ZNF254: variants seen among roughly 807,000 people sequenced by gnomAD.
The protein encoded by ZNF254 is zinc finger protein 254, also known as CTD-2017D11.1.
Under a neutral mutation model 12.4 loss-of-function variants are expected in ZNF254, and 10 were observed. The observed-to-expected ratio is 0.80, with a 90% CI of 0.50 to 1.36. ZNF254 has a LOEUF of 1.36. Ranked by LOEUF, ZNF254 falls within the 40% of genes most tolerant of loss-of-function variation. The pLI is 0.00. For synonymous variants in ZNF254, 305 were observed against 253.4 expected (o/e 1.20, Z -1.93); for missense variants, 996 against 763.9 (o/e 1.30, Z -3.58).
chr19:24,123,950 G>A (rs1044333766), intron 3 of ZNF254, among the ~76,000 whole-genome samples: 2 of 151,892 alleles, frequency 1.3e-5, no homozygotes, highest in South Asian at 2.1e-4. Context: ...TTGAAAATAT[G>A]TCTCAATTTA....
intron 2 of ZNF254, chr19:24,063,821 AT>A (rs1359424103): frequency 1.1e-4 from 16 of 149,400 alleles, no homozygotes; most frequent in Admixed American, 1.4e-4. Flanking sequence ...CTTAGAAGGC[AT>A]TGAGACATGG....
At chr19:24,117,410 C>A (rs922743382) in intron 3 of ZNF254, among the ~76,000 whole-genome samples, 1 of 152,152 alleles carries the variant, frequency 6.6e-6, no homozygotes, top group African/African-American at 2.4e-5. Flanking sequence ...GGGTGCCCCT[C>A]CCCCAGCCTC....
chr19:24,058,932 C>T (rs1354828393), intron 2 of ZNF254, among the ~76,000 whole-genome samples: 1 of 152,234 alleles, frequency 6.6e-6, no homozygotes, highest in Non-Finnish European at 1.5e-5. Flanking sequence ...GGTGATGTGA[C>T]TGCCTTTTAC....
At position 24,127,039 on chromosome 19, in the gene ZNF254, G is replaced by C. The variant is rs945184418; in HGVS notation, c.1039G>C (p.Glu347Gln). Residue 347 changes from glutamate (E) to glutamine (Q), a missense_variant, in exon 4 of 4, where the codon GAG becomes CAG. By Grantham distance (29) the Glu-to-Gln change is conservative. Coordinates refer to ENST00000357002, the MANE Select transcript of ZNF254 (RefSeq NM_203282.4). ...LTRHKRMHTG[E>Q]KPYKCEECGK... ...TAGACATAAGAGGATGCACACTGGA[G>C]AGAAACCCTACAAATGTGAAGAATG... The C allele has an allele frequency of 6.2e-7, 1 of 1,613,610 alleles. No homozygotes were observed. The highest frequency in any genetic ancestry group is 1.3e-5 in the African/African-American group (1 of 74,844).
intron 2 of ZNF254, among the ~76,000 whole-genome samples, chr19:24,051,607 TCTC>T (rs1251660586): frequency 1.9e-5 from 2 of 108,050 alleles, no homozygotes; most frequent in African/African-American, 6.1e-5. Flanking sequence ...ATGAGGTGAC[TCTC>T]CTCTCCAGCC....
chr19:24,127,482 A>G lies in ZNF254; in HGVS notation c.1482A>G (p.Glu494=). ...HTGEKPYKCE[E]CGKSFSQSST... is the part of the protein sequence containing the mutation. ...GAGAGAAACCCTACAAATGTGAAGA[A>G]TGTGGCAAATCTTTTAGCCAATCCT... Residue 494 remains glutamate, a synonymous_variant, in exon 4 of 4, where the codon GAA becomes GAG. Coordinates refer to ENST00000357002, the MANE Select transcript of ZNF254 (RefSeq NM_203282.4). 6.2e-7 allele frequency: 1 copy of G among 1,613,634 alleles called. No individual in the cohort carries two copies. Among genetic ancestry groups the G allele is most frequent in the Non-Finnish European group, 8.5e-7 (1 of 1,179,822 alleles).
intron 3 of ZNF254, among the ~76,000 whole-genome samples, chr19:24,115,789 C>T (rs1974020125): frequency 6.6e-6 from 1 of 152,096 alleles, no homozygotes; most frequent in African/African-American, 2.4e-5. Flanking sequence ...TCTTTCTAGC[C>T]TCGACGGTTT....
intron 3 of ZNF254, among the ~76,000 whole-genome samples, chr19:24,121,617 G>T (rs990043434): frequency 1.3e-5 from 2 of 152,064 alleles, no homozygotes; most frequent in African/African-American, 4.8e-5. Flanking sequence ...GAGTGCAGTG[G>T]CACGATCTTG....
intron 2 of ZNF254, among the ~76,000 whole-genome samples, chr19:24,068,242 G>A (rs776324229): frequency 6.6e-6 from 1 of 151,056 alleles, no homozygotes; most frequent in African/African-American, 2.4e-5. Context: ...CACAGAGAGC[G>A]TTGTAACATA....
At chr19:24,037,636 T>G (rs1238536856) in intron 1 of ZNF254, among the ~76,000 whole-genome samples, 2 of 151,830 alleles carry the variant, frequency 1.3e-5, no homozygotes, top group Non-Finnish European at 2.9e-5. Flanking sequence ...TGAGATGTAG[T>G]TTCGCTCTTG....
chr19:24,074,561 C>T (rs1971592898), intron 2 of ZNF254, among the ~76,000 whole-genome samples: 1 of 152,038 alleles, frequency 6.6e-6, no homozygotes, highest in Admixed American at 6.6e-5. Flanking sequence ...GTGACTTATC[C>T]CTGGGATAAG....
intron 2 of ZNF254, chr19:24,046,373 T>TATATATATATATATATATATATATATATA (rs1555750839): frequency 5.2e-5 from 5 of 95,482 alleles, no homozygotes; most frequent in Non-Finnish European, 1.1e-4. Flanking sequence ...TTATTATTTT[T>TATATATATATATATATATATATATATATA]TATATATATA....
At chr19:24,119,304 G>C (rs1277938756) in intron 3 of ZNF254, among the ~76,000 whole-genome samples, 2 of 151,870 alleles carry the variant, frequency 1.3e-5, no homozygotes, top group Non-Finnish European at 2.9e-5. Context: ...CGATTCTCCT[G>C]TCTCAGCCTC....
At chr19:24,078,636 G>C (rs1385642224) in intron 2 of ZNF254, 1 of 152,044 alleles carries the variant, frequency 6.6e-6, no homozygotes, top group Non-Finnish European at 1.5e-5. Context: ...GGCTGGCCTG[G>C]AACATTCTCC....
chr19:24,117,400 G>A (rs139957630), intron 3 of ZNF254, among the ~76,000 whole-genome samples: 2 of 152,278 alleles, frequency 1.3e-5, no homozygotes, highest in South Asian at 2.1e-4. Flanking sequence ...GGGCAATGGC[G>A]GGTGCCCCTC....
At chr19:24,060,424 T>C (rs1041810105) in intron 2 of ZNF254, among the ~76,000 whole-genome samples, 1 of 152,132 alleles carries the variant, frequency 6.6e-6, no homozygotes, top group African/African-American at 2.4e-5. Context: ...TGTGACATAC[T>C]ACAGTGCCCA....
chr19:24,118,931 G>A (rs1449322424), intron 3 of ZNF254, among the ~76,000 whole-genome samples: 1 of 151,934 alleles, frequency 6.6e-6, no homozygotes, highest in African/African-American at 2.4e-5. Context: ...CCAATATGGT[G>A]AAACCTCATT....
At chr19:24,049,199 TATATATATATATATA>T (rs1873738593) in intron 2 of ZNF254, among the ~76,000 whole-genome samples, 8 of 67,290 alleles carry the variant, frequency 1.2e-4, no homozygotes, top group East Asian at 5.5e-4. Flanking sequence ...TATATATATA[TATATATATATATATA>T]TTTTTTTTTT....
chr19:24,080,973 A>C (rs1971825265), intron 2 of ZNF254, among the ~76,000 whole-genome samples: 1 of 150,608 alleles, frequency 6.6e-6, no homozygotes, highest in Non-Finnish European at 1.5e-5. Flanking sequence ...GCTACTCAGG[A>C]GGCTTAGGCA....
Sources: allele counts gnomAD v4.1 joint callset (sites outside exome capture counted in the v4.1 genomes callset), GRCh38; gene constraint gnomAD v4.1.1; transcripts MANE v1.5; gene names NCBI Gene and HGNC (gene_info 2026-07-23, HGNC 2026-07-21).